The following MYO16 variants were observed in gnomAD, a reference collection of about 807,000 sequenced individuals.
The protein encoded by MYO16 is myosin XVI, also known as unconventional myosin-XVI.
A neutral mutation model predicts 205.3 loss-of-function variants in MYO16; 94 were observed. The ratio of observed to expected loss-of-function variants is 0.46; its 90% confidence interval spans 0.39 to 0.54. The LOEUF (loss-of-function observed/expected upper bound fraction) is 0.54. MYO16 is among the 20% of genes least tolerant of loss of function. MYO16 has a pLI of 0.00. For synonymous variants in MYO16, 988 were observed against 954.0 expected (o/e 1.04, Z -0.66); for missense variants, 2,315 against 2,387.5 (o/e 0.97, Z 0.63).
chr13:109,169,998 T>C (rs1242399335), intron 33 of MYO16, among the ~76,000 whole-genome samples: 1 of 152,136 alleles, frequency 6.6e-6, no homozygotes, highest in African/African-American at 2.4e-5. Flanking sequence ...TCCTGATAGA[T>C]TATAGATCTG....
intron 6 of MYO16, among the ~76,000 whole-genome samples, chr13:108,793,917 A>G (rs1488715151): frequency 6.6e-6 from 1 of 152,196 alleles, no homozygotes; most frequent in Non-Finnish European, 1.5e-5. Flanking sequence ...TAGCAAAGAC[A>G]TGGAATCAAC....
At position 108,921,158 on chromosome 13, in the gene MYO16, A is replaced by G. The variant is rs542227017; in HGVS notation, c.1925+11008A>G. ...TATAGTCGGTGTTTCTTTTTCTCTCAACCTCTCCTGCCAGTCTCTTCCCAC... is the reference window on the plus strand; with the variant it reads ...TATAGTCGGTGTTTCTTTTTCTCTCGACCTCTCCTGCCAGTCTCTTCCCAC... On this transcript the variant is annotated intron_variant, in intron 16 of 34. Transcript: ENST00000457511. 4.6e-5 allele frequency among the ~76,000 whole-genome samples: 7 copies of G among 152,150 alleles called. No homozygotes were observed. The South Asian group carries it at 1.2e-3, about 27-fold the overall frequency.
chr13:108,638,861 G>A (rs570445896), intron 1 of MYO16, among the ~76,000 whole-genome samples: 13 of 152,226 alleles, frequency 8.5e-5, no homozygotes, highest in African/African-American at 2.2e-4. Context: ...AGGTGTGTGC[G>A]GAGCTGGGGC....
chr13:108,823,300 C>G (rs1876083008), intron 9 of MYO16, 22 bp downstream of exon 9: 1 of 1,582,322 alleles, frequency 6.3e-7, no homozygotes, highest in Non-Finnish European at 8.6e-7. Flanking sequence ...CCTGCTTATT[C>G]TCTTTTGCCA....
At chr13:108,787,055 A>C (rs1018925140) in intron 5 of MYO16, among the ~76,000 whole-genome samples, 14 of 152,204 alleles carry the variant, frequency 9.2e-5, no homozygotes, top group Non-Finnish European at 1.3e-4. Context: ...GACATGAAAA[A>C]CTTGGCGCAA....
chr13:108,862,027 T>C (rs12146959), intron 11 of MYO16, among the ~76,000 whole-genome samples: 51,956 of 152,014 alleles, frequency 0.34, 9,318 homozygotes, highest in African/African-American at 0.39. Flanking sequence ...ACATTTTCTT[T>C]ATAACATTTT....
intron 15 of MYO16, among the ~76,000 whole-genome samples, chr13:108,903,025 G>A (rs964376966): frequency 1.3e-5 from 2 of 152,136 alleles, no homozygotes; most frequent in South Asian, 2.1e-4. Flanking sequence ...CGATGTCTCC[G>A]CTACCCACCT....
At chr13:109,011,021 C>T (rs1051628570) in intron 22 of MYO16, among the ~76,000 whole-genome samples, 8 of 147,450 alleles carry the variant, frequency 5.4e-5, no homozygotes, top group Admixed American at 3.4e-4. Context: ...TGGGGGCCCC[C>T]GGCCACTCTG....
At chr13:108,566,715 GAGGAAGGA>G in the MYO16 span, among the ~76,000 whole-genome samples, 1 of 141,476 alleles carries the variant, frequency 7.1e-6, no homozygotes, top group East Asian at 2.1e-4. Flanking sequence ...GAAAGGAAAG[GAGGAAGGA>G]AGGAAGGAAG....
At chr13:108,617,535 T>C (rs1879391770) in intron 1 of MYO16, among the ~76,000 whole-genome samples, 1 of 152,172 alleles carries the variant, frequency 6.6e-6, no homozygotes, top group African/African-American at 2.4e-5. Flanking sequence ...GCCTAAATAA[T>C]GTCATTGAAA....
At chr13:108,990,457 T>G (rs1461119578) in intron 20 of MYO16, among the ~76,000 whole-genome samples, 4 of 152,212 alleles carry the variant, frequency 2.6e-5, no homozygotes. Context: ...AGTTTAATAG[T>G]TGAAAAAGTG....
chr13:108,545,168 C>T, the MYO16 span, among the ~76,000 whole-genome samples: 1 of 152,144 alleles, frequency 6.6e-6, no homozygotes, highest in Admixed American at 6.5e-5. Context: ...ATCCTCTACC[C>T]TCAGGGAGGC....
chr13:108,629,154 T>A (rs1479470886), upstream of MYO16: 1 of 152,168 alleles, frequency 6.6e-6, no homozygotes, highest in Non-Finnish European at 1.5e-5. Context: ...ATAATTTAAG[T>A]TTTACATTCT....
chr13:109,148,199 A>G (rs1040614493), intron 32 of MYO16, among the ~76,000 whole-genome samples: 1 of 152,124 alleles, frequency 6.6e-6, no homozygotes, highest in Non-Finnish European at 1.5e-5. Context: ...AACCAAATTT[A>G]TCTATGTTAA....
At chr13:108,869,671 C>T (rs1252712522) in intron 12 of MYO16, among the ~76,000 whole-genome samples, 2 of 133,016 alleles carry the variant, frequency 1.5e-5, no homozygotes, top group Non-Finnish European at 3.1e-5. Flanking sequence ...GCGGAGGTTG[C>T]AGTGAGCCGA....
chr13:108,788,925 A>T (rs1223193665), intron 5 of MYO16, among the ~76,000 whole-genome samples: 1 of 152,064 alleles, frequency 6.6e-6, no homozygotes, highest in African/African-American at 2.4e-5. Context: ...GTCTGTCCAA[A>T]TTGCTAAATG....
At chr13:108,647,639 A>G (rs561581172) in intron 1 of MYO16, among the ~76,000 whole-genome samples, 12 of 152,242 alleles carry the variant, frequency 7.9e-5, no homozygotes, top group South Asian at 4.1e-4. Context: ...TTTAGCTGTG[A>G]TTAAATTTCA....
At chr13:108,597,416 A>AT (rs1415741768) in intron 1 of MYO16, among the ~76,000 whole-genome samples, 1 of 152,078 alleles carries the variant, frequency 6.6e-6, no homozygotes, top group African/African-American at 2.4e-5. Context: ...CAAGTCTGAA[A>AT]TTTTTTTTAG....
At chr13:108,859,344 C>T (rs777587945) in intron 11 of MYO16, among the ~76,000 whole-genome samples, 25 of 152,056 alleles carry the variant, frequency 1.6e-4, no homozygotes, top group African/African-American at 4.8e-4. Flanking sequence ...TAATTTTAGA[C>T]GAGAGAAAGA....
Sources: allele counts gnomAD v4.1 joint callset (sites outside exome capture counted in the v4.1 genomes callset), GRCh38; gene constraint gnomAD v4.1.1; transcripts MANE v1.5; gene names NCBI Gene and HGNC (gene_info 2026-07-23, HGNC 2026-07-21).